Variants in PDZD8 observed in about 807,000 individuals in gnomAD.
The protein encoded by PDZD8 is PDZ domain containing 8.
Under a neutral mutation model 85.8 loss-of-function variants are expected in PDZD8, and 14 were observed. The ratio of observed to expected loss-of-function variants is 0.16; its 90% confidence interval spans 0.11 to 0.26. The LOEUF (loss-of-function observed/expected upper bound fraction) is 0.26, where lower values mean the gene tolerates loss of function less well. Ranked by LOEUF, PDZD8 falls within the 10% of genes least tolerant of loss-of-function variation. PDZD8 has a pLI of 1.00. For synonymous variants in PDZD8, 592 were observed against 568.6 expected (o/e 1.04, Z -0.59); for missense variants, 1,197 against 1,424.3 (o/e 0.84, Z 2.57).
chr10:117,321,364 C>A (rs1454391830), intron 2 of PDZD8, among the ~76,000 whole-genome samples: 1 of 152,052 alleles, frequency 6.6e-6, no homozygotes, highest in Non-Finnish European at 1.5e-5. Context: ...CCTTGAAAAA[C>A]TTCTAAGTGA....
intron 1 of PDZD8, among the ~76,000 whole-genome samples, chr10:117,343,018 A>C (rs994921694): frequency 5.3e-5 from 8 of 152,172 alleles, no homozygotes; most frequent in African/African-American, 1.9e-4. Flanking sequence ...AATTGCGTGC[A>C]TTTATGCCTT....
At chr10:117,297,220 T>C (rs1843772273) in intron 3 of PDZD8, among the ~76,000 whole-genome samples, 1 of 152,092 alleles carries the variant, frequency 6.6e-6, no homozygotes, top group African/African-American at 2.4e-5. Flanking sequence ...CATGAGATAC[T>C]ACATACCTAC....
At chr10:117,330,089 T>C (rs1009586144) in intron 2 of PDZD8, among the ~76,000 whole-genome samples, 1 of 149,314 alleles carries the variant, frequency 6.7e-6, no homozygotes, top group African/African-American at 2.5e-5. Context: ...TGACTAAACT[T>C]AATTTGAAAG....
intron 2 of PDZD8, among the ~76,000 whole-genome samples, chr10:117,332,328 A>C (rs949164630): frequency 6.6e-6 from 1 of 152,162 alleles, no homozygotes; most frequent in African/African-American, 2.4e-5. Flanking sequence ...TCAGCCTTCA[A>C]CTAAAAAATA....
rs182335132 is a variant in PDZD8, at chr10:117,280,409, G to C, written c.*2859C>G. On this transcript the variant is annotated 3_prime_UTR_variant, in exon 5 of 5. Transcript: ENST00000334464. ...AAAGTGGACTTTGTTATGCTTTTCT[G>C]CATGGCCAAATTATACCAGAAGATA... 1.3e-5 allele frequency: 2 copies of C among 152,276 alleles called. No homozygotes were observed. The highest frequency in any genetic ancestry group is 4.8e-5 in the African/African-American group (2 of 41,570). 9.4% of individuals were successfully genotyped at this position (152,276 alleles called of 1,614,324 possible). A position where few individuals can be genotyped will look rare whatever the true frequency, so the allele number is the denominator to read the frequency against.
chr10:117,313,083 C>T (rs1320372588), intron 3 of PDZD8, among the ~76,000 whole-genome samples: 4 of 152,090 alleles, frequency 2.6e-5, no homozygotes, highest in Non-Finnish European at 4.4e-5. Flanking sequence ...GAGAGTTCTT[C>T]CTTCATATTC....
chr10:117,283,269 TAC>T lies in PDZD8; in HGVS notation c.3462_3463del (p.Ter1155AlafsTer6). The T allele has an allele frequency of 6.2e-7, 1 of 1,607,250 alleles. No individual in the cohort carries two copies. Among genetic ancestry groups the T allele is most frequent in the Non-Finnish European group, 8.5e-7 (1 of 1,177,588 alleles). ...TGAAAGCTTAAATAGACCTGTCTGC[TAC>T]ACAGACTCGGATGGGCCAAATAAGT... is the stretch of plus-strand genomic sequence containing the variant. On this transcript the variant is annotated frameshift_variant and stop_lost, in exon 5 of 5. Transcript: ENST00000334464. LOFTEE classifies it high-confidence loss of function.
At chr10:117,289,023 A>G (rs1300397087) in intron 4 of PDZD8, among the ~76,000 whole-genome samples, 1 of 152,226 alleles carries the variant, frequency 6.6e-6, no homozygotes, top group African/African-American at 2.4e-5. Flanking sequence ...ATAATGAATG[A>G]TGTCTATTTT....
intron 2 of PDZD8, among the ~76,000 whole-genome samples, chr10:117,329,883 T>G (rs905396229): frequency 6.8e-6 from 1 of 147,466 alleles, no homozygotes; most frequent in Non-Finnish European, 1.5e-5. Context: ...CGGGTGGAGG[T>G]TGCAGTGAGG....
chr10:117,298,875 A>T (rs1843799259), intron 3 of PDZD8, among the ~76,000 whole-genome samples: 1 of 152,092 alleles, frequency 6.6e-6, no homozygotes, highest in Non-Finnish European at 1.5e-5. Context: ...ACATATCTTT[A>T]GCAGTCAGCC....
At position 117,277,409 on chromosome 10, in the gene PDZD8, T is replaced by A. The variant is rs1312838769; in HGVS notation, c.*5859A>T. 1 of 494,586 alleles carries A rather than the reference T, an allele frequency of 2.0e-6. No individual in the cohort carries two copies. The highest frequency in any genetic ancestry group is 2.0e-5 in the African/African-American group (1 of 50,312). The allele number at this position is 494,586 out of a possible 1,614,324, so 30.6% of individuals were successfully genotyped here. A position where few individuals can be genotyped will look rare whatever the true frequency, so the allele number is the denominator to read the frequency against. On this transcript the variant is annotated 3_prime_UTR_variant, in exon 5 of 5. Transcript: ENST00000334464. The stretch of plus-strand genomic sequence containing the variant: ...AAAGGTTATTATTTCCTTTCCATGG[T>A]TATGGTCGATTGCCAACAGCCTTAT...
chr10:117,302,975 C>T (rs987996269), intron 3 of PDZD8, among the ~76,000 whole-genome samples: 7 of 152,124 alleles, frequency 4.6e-5, no homozygotes, highest in African/African-American at 1.4e-4. Flanking sequence ...ATGCCTTTAT[C>T]AGAAGCATGA....
At chr10:117,312,768 T>C (rs931967046) in intron 3 of PDZD8, among the ~76,000 whole-genome samples, 12 of 152,188 alleles carry the variant, frequency 7.9e-5, no homozygotes, top group African/African-American at 2.4e-4. Flanking sequence ...CTAATTTTTT[T>C]CCCATCCATT....
chr10:117,357,666 T>C (rs778219411), intron 1 of PDZD8, among the ~76,000 whole-genome samples: 1 of 149,934 alleles, frequency 6.7e-6, no homozygotes, highest in Non-Finnish European at 1.5e-5. Context: ...CTCGGGAGGC[T>C]GAGGCAGGAG....
intron 3 of PDZD8, chr10:117,314,092 TG>T (rs1564696528): frequency 1.3e-5 from 2 of 152,188 alleles, no homozygotes; most frequent in African/African-American, 4.8e-5. Flanking sequence ...TCTTTGTATA[TG>T]GGAAGAGTAT....
At position 117,375,377 on chromosome 10, in the gene PDZD8, C is replaced by G. The variant is rs2133904693; in HGVS notation, c.-150G>C. On this transcript the variant is annotated 5_prime_UTR_variant, in exon 1 of 5. Coordinates refer to ENST00000334464, the MANE Select transcript of PDZD8 (RefSeq NM_173791.5). ...GGCCTCGTCCAGGGGCTCGGGCCGGCGCGCTGCGGCGCCCGAGCCCGCAGC... is the reference window on the plus strand; with the variant it reads ...GGCCTCGTCCAGGGGCTCGGGCCGGGGCGCTGCGGCGCCCGAGCCCGCAGC... 2.3e-6 allele frequency: 1 copy of G among 441,578 alleles called. No homozygotes were observed. Among genetic ancestry groups the G allele is most frequent in the Non-Finnish European group, 3.6e-6 (1 of 274,906 alleles). The allele number at this position is 441,578 out of a possible 1,614,324, so 27.4% of individuals were successfully genotyped here.
In PDZD8 at chr10:117,373,652, C is replaced by T. The variant is rs151071488; in HGVS notation, c.872+704G>A. Among the ~76,000 whole-genome samples, 653 of 148,922 alleles carry T rather than the reference C, an allele frequency of 4.4e-3. 3 individuals carry two copies. The highest frequency in any genetic ancestry group is 6.9e-3 in the Non-Finnish European group (466 of 67,490). ...AAAATCAGCAAGGCGTGGTGCCATA[C>T]GCCTGTAACCCCAGCTACCTGGGAG... On this transcript the variant is annotated intron_variant, in intron 1 of 4. Coordinates refer to ENST00000334464, the MANE Select transcript of PDZD8 (RefSeq NM_173791.5).
In PDZD8 at chr10:117,277,875, T is replaced by G. The variant is rs1040058282; in HGVS notation, c.*5393A>C. 2 of 152,254 alleles carry G rather than the reference T, an allele frequency of 1.3e-5. No individual in the cohort carries two copies. Among genetic ancestry groups the G allele is most frequent in the Admixed American group, 6.5e-5 (1 of 15,290 alleles). The allele number at this position is 152,254 out of a possible 1,614,324, so 9.4% of individuals were successfully genotyped here. A position where few individuals can be genotyped will look rare whatever the true frequency, so the allele number is the denominator to read the frequency against. Reference sequence around the variant, plus strand: ...AATCTTAGCTGGCATTAGTTTTCTATGTAATCACCTACCTAGAGAGAGTTG... The same window carrying G: ...AATCTTAGCTGGCATTAGTTTTCTAGGTAATCACCTACCTAGAGAGAGTTG... On this transcript the variant is annotated 3_prime_UTR_variant, in exon 5 of 5. Coordinates refer to ENST00000334464, the MANE Select transcript of PDZD8 (RefSeq NM_173791.5).
At chr10:117,290,099 T>C (rs1012876250) in intron 4 of PDZD8, 87 bp downstream of exon 4, 18 of 1,191,350 alleles carry the variant, frequency 1.5e-5, no homozygotes, top group Non-Finnish European at 2.1e-5. Flanking sequence ...ATTATAGAAA[T>C]AAGGAAAAAG....
Sources: allele counts gnomAD v4.1 joint callset (sites outside exome capture counted in the v4.1 genomes callset), GRCh38; gene constraint gnomAD v4.1.1; transcripts MANE v1.5; gene names NCBI Gene and HGNC (gene_info 2026-07-23, HGNC 2026-07-21).